ARHGAP4: variants seen among roughly 807,000 people sequenced by gnomAD.
The protein encoded by ARHGAP4 is Rho GTPase activating protein 4.
ARHGAP4 carries 25 observed loss-of-function variants against 67.6 expected under a neutral mutation model. The observed-to-expected ratio is 0.37, with a 90% confidence interval of 0.27 to 0.52. ARHGAP4 has a LOEUF of 0.52. Ranked by LOEUF, ARHGAP4 falls within the 20% of genes least tolerant of loss-of-function variation. The pLI is 0.92. For synonymous variants in ARHGAP4, 448 were observed against 373.7 expected (o/e 1.20, Z -2.29); for missense variants, 804 against 854.6 (o/e 0.94, Z 0.74).
At chrX:153,919,082 T>A (rs782545328) in intron 6 of ARHGAP4, 29 bp from the exon 7 acceptor site, 14 of 1,207,718 alleles carry the variant, frequency 1.2e-5, no homozygotes, top group Non-Finnish European at 1.0e-5. Flanking sequence ...GATGCTTGGG[T>A]AGGTCCTGGA....
chrX:153,909,331 C>A (rs782788360), intron 20 of ARHGAP4, 112 bp downstream of exon 20: 8 of 901,140 alleles, frequency 8.9e-6, no homozygotes, highest in Non-Finnish European at 1.2e-5. Context: ...GTCATTCTGT[C>A]ACGTCCTCAT....
chrX:153,910,221 A>C lies in ARHGAP4; in HGVS notation c.2106T>G (p.Pro702=), dbSNP rs2040250456. 1 of 1,211,225 alleles carries C rather than the reference A, an allele frequency of 8.3e-7. No homozygotes were observed. Among genetic ancestry groups the C allele is most frequent in the East Asian group, 3.0e-5 (1 of 33,824 alleles). ...CCATGCACTTCTCGTAGACGGGGCC[A>C]GGCAGCGAGGTCAGGGGCGGGAAGA... ...DRVFPPLTSL[P]GPVYEKCMAP... Residue 702 remains proline, a synonymous_variant, in exon 17 of 22, where the codon CCT becomes CCG. Transcript: ENST00000350060.
chrX:153,912,584 C>T (rs2065028540), intron 12 of ARHGAP4, 116 bp downstream of exon 12: 1 of 629,376 alleles, frequency 1.6e-6, no homozygotes, highest in Non-Finnish European at 2.5e-6. Flanking sequence ...CAGTTGATGA[C>T]TGATTGAGAG....
In ARHGAP4 at chrX:153,913,267, G is replaced by A. The variant is rs75561437; in HGVS notation, c.1362C>T (p.Leu454=). ...LQEYLSGRSI[L]AKLQAKHEKL... ...TCTCGTGCTTGGCCTGCAGCTTGGC[G>A]AGGATGCTCCGTCCACTCAGATACT... The change falls in exon 10 of 22, where the codon CTC becomes CTT. Residue 454 remains leucine, a synonymous_variant. Transcript: ENST00000350060. 1 of 1,174,253 alleles carries A rather than the reference G, an allele frequency of 8.5e-7. No individual in the cohort carries two copies. The highest frequency in any genetic ancestry group is 1.9e-5 in the South Asian group (1 of 53,390).
intron 7 of ARHGAP4, among the ~76,000 whole-genome samples, chrX:153,916,386 G>A (rs1465380576): frequency 2.7e-5 from 3 of 113,134 alleles, no homozygotes; most frequent in African/African-American, 9.6e-5. Flanking sequence ...AGAGGCCCCA[G>A]GCTCCCCACG....
intron 1 of ARHGAP4, among the ~76,000 whole-genome samples, chrX:153,924,922 C>G (rs2065117637): frequency 8.9e-6 from 1 of 112,044 alleles, no homozygotes; most frequent in African/African-American, 3.2e-5. Context: ...GACAGTGACC[C>G]CACTTTGTAG....
chrX:153,913,337 C>T, intron 9 of ARHGAP4, 35 bp from the exon 10 acceptor site: 1 of 1,201,586 alleles, frequency 8.3e-7, no homozygotes, highest in East Asian at 3.0e-5. Flanking sequence ...AAGTGTTAGC[C>T]CTGGCTTGAG....
rs1165093560 is a variant in ARHGAP4 at position 153,911,259 on chromosome X, T to C, written c.1543-70A>G. 1.9e-5 allele frequency: 17 copies of C among 889,415 alleles called. No individual in the cohort carries two copies. The Admixed American group carries it at 6.8e-4, about 36-fold the overall frequency. 73.3% of individuals were successfully genotyped at this position (889,415 alleles called of 1,213,427 possible). Reference sequence around the variant, plus strand: ...TGTGTTGTCATTCAATTGCTTTTTTTTTTTTTTTTTTTTTTTGAGACAAGG... The same window carrying C: ...TGTGTTGTCATTCAATTGCTTTTTTCTTTTTTTTTTTTTTTTGAGACAAGG... On this transcript the variant is annotated intron_variant, in intron 12 of 21. Coordinates refer to ENST00000350060, the MANE Select transcript of ARHGAP4 (RefSeq NM_001666.5).
chrX:153,914,334 C>T (rs1237400620), intron 7 of ARHGAP4: 1 of 146,321 alleles, frequency 6.8e-6, no homozygotes, highest in African/African-American at 3.1e-5. Flanking sequence ...TGCACAACCA[C>T]CAAATTGTAC....
Position 153,909,787 on chromosome X carries a change from C to A in ARHGAP4, c.2368G>T (p.Gly790Cys), listed in dbSNP as rs781900755. The A allele has an allele frequency of 1.7e-6, 2 of 1,200,327 alleles. No individual in the cohort carries two copies. The highest frequency in any genetic ancestry group is 1.8e-5 in the South Asian group (1 of 55,375). Residue 790 changes from glycine (G) to cysteine (C), a missense_variant, in exon 19 of 22, where the codon GGC becomes TGC. Gly to Cys is a radical substitution (Grantham distance 159). This residue lies in a region of ARHGAP4 where 400 missense variants were observed against 348.7 expected (regional missense o/e 1.15). Transcript: ENST00000350060. ...SSDWWRGEHN[G>C]MRGLIPHKYI... ...TTGTGGGGGATGAGGCCCCGCATGC[C>A]GTTGTGCTCCCCCCGCCACCAGTCG...
At chrX:153,909,947 G>C (rs1557102491) in intron 18 of ARHGAP4, 23 bp from the exon 19 acceptor site, 1 of 1,208,971 alleles carries the variant, frequency 8.3e-7, no homozygotes, top group South Asian at 1.8e-5. Context: ...GGGGGTCCAA[G>C]CTGTGGGAGG....
Position 153,907,811 on chromosome X carries a change from C to A in ARHGAP4, c.2759G>T (p.Gly920Val). The A allele has an allele frequency of 2.0e-6, 2 of 1,011,331 alleles. No individual in the cohort carries two copies. The highest frequency in any genetic ancestry group is 3.7e-5 in the East Asian group (1 of 27,220). The allele number at this position is 1,011,331 out of a possible 1,213,427, so 83.3% of individuals were successfully genotyped here. ...TGGGGCCCCAGGGCCCCGGGAGAAG[C>A]CTTTGTTCCTGCCCAGGCGGCTGCT... ...PPSSRLGRNK[G>V]FSRGPGAPAS... Residue 920 changes from glycine (G) to valine (V), a missense_variant, in exon 22 of 22, where the codon GGC (glycine) becomes GTC (valine). Coordinates refer to ENST00000350060, the MANE Select transcript of ARHGAP4 (RefSeq NM_001666.5).
chrX:153,920,402 G>A (rs1557104989), intron 5 of ARHGAP4: 1 of 421,518 alleles, frequency 2.4e-6, no homozygotes, highest in Non-Finnish European at 4.0e-6. Context: ...GGGCCCCGCT[G>A]GGAGCATGGA....
At chrX:153,918,803 T>C in intron 7 of ARHGAP4, 29 bp downstream of exon 7, 1 of 1,195,716 alleles carries the variant, frequency 8.4e-7, no homozygotes. Context: ...GGCCAGAGAA[T>C]GCCAAGCCCA....
Position 153,921,511 on chromosome X carries a change from G to A in ARHGAP4, c.289C>T (p.Leu97=). Residue 97 remains leucine, a synonymous_variant, in exon 3 of 22, where the codon CTG becomes TTG. Coordinates refer to ENST00000350060, the MANE Select transcript of ARHGAP4 (RefSeq NM_001666.5). ...ACCGCCCAGCAGTGCAAGGGCGACA[G>A]GAGGGACGGCTCCTTCCTGGGGGTA... ...HQSFRKEPSL[L]SPLHCWAVLL... 1 of 1,195,277 alleles carries A rather than the reference G, an allele frequency of 8.4e-7. No homozygotes were observed. The highest frequency in any genetic ancestry group is 3.0e-5 in the East Asian group (1 of 33,624).
In ARHGAP4 at chrX:153,913,061, G is replaced by T; in HGVS notation, c.1412-10C>A. Reference sequence around the variant, plus strand: ...TGCTCCTCCTTGTCACCTGTGGGGTGGGAGAACATTGGTCTGCCTCTCGGG... The same window carrying T: ...TGCTCCTCCTTGTCACCTGTGGGGTTGGAGAACATTGGTCTGCCTCTCGGG... On this transcript the variant is annotated splice_polypyrimidine_tract_variant and intron_variant, in intron 10 of 21. Coordinates refer to ENST00000350060, the MANE Select transcript of ARHGAP4 (RefSeq NM_001666.5). 8.4e-7 allele frequency: 1 copy of T among 1,189,915 alleles called. No homozygotes were observed. The highest frequency in any genetic ancestry group is 3.0e-5 in the East Asian group (1 of 33,006).
chrX:153,913,171 G>C (rs375868752), intron 10 of ARHGAP4, 47 bp downstream of exon 10: 252 of 1,161,326 alleles, frequency 2.2e-4, no homozygotes, highest in Non-Finnish European at 2.8e-4. Flanking sequence ...GGCTAGACAG[G>C]GTCCTGGGCA....
intron 7 of ARHGAP4, among the ~76,000 whole-genome samples, chrX:153,918,243 G>C (rs2065068408): frequency 9.1e-6 from 1 of 110,245 alleles, no homozygotes; most frequent in South Asian, 3.9e-4. Flanking sequence ...GTGGCTGTGA[G>C]AGATGCTGGT....
intron 5 of ARHGAP4, chrX:153,919,531 A>G (rs1040333013): frequency 1.8e-5 from 20 of 1,137,588 alleles, no homozygotes; most frequent in Non-Finnish European, 2.2e-5. Context: ...CATTCCCCAC[A>G]GAAGTGGGGG....
Sources: allele counts gnomAD v4.1 joint callset (sites outside exome capture counted in the v4.1 genomes callset), GRCh38; gene constraint gnomAD v4.1.1; regional missense constraint gnomAD v4.1.1; transcripts MANE v1.5; gene names NCBI Gene and HGNC (gene_info 2026-07-23, HGNC 2026-07-21).